Variants in ARAP2 observed in about 807,000 individuals in gnomAD.
ARAP2 encodes the protein ArfGAP with RhoGAP domain, ankyrin repeat and PH domain 2.
ARAP2 carries 148 observed loss-of-function variants against 194.5 expected under a neutral mutation model. The ratio of observed to expected loss-of-function variants is 0.76; its 90% CI spans 0.67 to 0.87. The LOEUF is 0.87. ARAP2 is among the 40% of genes least tolerant of loss of function. The pLI is 0.00. For synonymous variants in ARAP2, 695 were observed against 683.5 expected (o/e 1.02, Z -0.26); for missense variants, 2,128 against 1,989.7 (o/e 1.07, Z -1.32).
At chr4:36,170,895 C>A (rs1183190798) in intron 9 of ARAP2, among the ~76,000 whole-genome samples, 1 of 151,550 alleles carries the variant, frequency 6.6e-6, no homozygotes, top group African/African-American at 2.4e-5. Flanking sequence ...CTTGAGGAAG[C>A]TTTTGGTCTA....
intron 1 of ARAP2, 102 bp from the exon 2 acceptor site, chr4:36,229,747 C>T (rs959638926): frequency 5.1e-5 from 15 of 292,360 alleles, no homozygotes; most frequent in Non-Finnish European, 7.0e-5. Context: ...GACACTAACT[C>T]TCACTCTGCA....
chr4:36,135,552 T>G (rs916958240), intron 19 of ARAP2, among the ~76,000 whole-genome samples: 5 of 151,788 alleles, frequency 3.3e-5, no homozygotes, highest in African/African-American at 9.7e-5. Flanking sequence ...ATTTTCTTTT[T>G]GAAGAATTCT....
At chr4:36,140,500 C>A (rs1578041586) in intron 19 of ARAP2, among the ~76,000 whole-genome samples, 1 of 151,826 alleles carries the variant, frequency 6.6e-6, no homozygotes, top group East Asian at 1.9e-4. Flanking sequence ...AGAATTAAAT[C>A]ATCAGAAAGT....
At chr4:36,054,746 A>G (rs1012680195) in intron 2 of ARAP2, among the ~76,000 whole-genome samples, 4 of 152,236 alleles carry the variant, frequency 2.6e-5, no homozygotes, top group South Asian at 2.1e-4. Flanking sequence ...ATACTACCAA[A>G]TAAGCTTTTA....
intron 28 of ARAP2, among the ~76,000 whole-genome samples, chr4:36,086,591 T>G (rs1286484923): frequency 6.6e-6 from 1 of 152,156 alleles, no homozygotes; most frequent in Non-Finnish European, 1.5e-5. Context: ...CAACTTTCTC[T>G]TTTGGTATGT....
intron 26 of ARAP2, among the ~76,000 whole-genome samples, chr4:36,110,109 G>A (rs1182331296): frequency 6.6e-6 from 1 of 151,764 alleles, no homozygotes; most frequent in Non-Finnish European, 1.5e-5. Flanking sequence ...TTAAGGTGAG[G>A]AACAGAGATG....
intron 28 of ARAP2, among the ~76,000 whole-genome samples, chr4:36,086,853 T>C (rs1712000173): frequency 6.6e-6 from 1 of 152,110 alleles, no homozygotes; most frequent in East Asian, 1.9e-4. Flanking sequence ...CTCTGAAACC[T>C]CTCCCCTTTT....
intron 2 of ARAP2, among the ~76,000 whole-genome samples, chr4:36,223,826 GCTAACACTTTGATTTCAGA>G (rs1168564959): frequency 6.6e-6 from 1 of 152,026 alleles, no homozygotes; most frequent in Non-Finnish European, 1.5e-5. Flanking sequence ...ACCAAAGGAT[GCTAACACTTTGATTTCAGA>G]CTTTTAGTAT....
At chr4:36,024,193 A>C (rs1037022486) in intron 5 of ARAP2, among the ~76,000 whole-genome samples, 79 of 152,176 alleles carry the variant, frequency 5.2e-4, no homozygotes, top group African/African-American at 1.9e-3. Flanking sequence ...TAGGGTGAAT[A>C]GCATGGAAAT....
intron 15 of ARAP2, among the ~76,000 whole-genome samples, chr4:36,158,221 T>C (rs757773496): frequency 3.3e-5 from 5 of 152,136 alleles, no homozygotes; most frequent in African/African-American, 7.2e-5. Flanking sequence ...CTAGAATATA[T>C]TGTTAAATCA....
intron 5 of ARAP2, among the ~76,000 whole-genome samples, chr4:36,035,989 T>C (rs1719854544): frequency 6.6e-6 from 1 of 152,182 alleles, no homozygotes; most frequent in South Asian, 2.1e-4. Context: ...CATTGGTTTG[T>C]TATTTTTTTC....
intron 19 of ARAP2, among the ~76,000 whole-genome samples, chr4:36,145,191 G>GA (rs1174193476): frequency 3.5e-4 from 52 of 148,706 alleles, no homozygotes; most frequent in Admixed American, 1.7e-3. Context: ...CTATCCAAAG[G>GA]AAAAAAAAAT....
intron 26 of ARAP2, among the ~76,000 whole-genome samples, chr4:36,112,324 G>A (rs1022039205): frequency 6.6e-6 from 1 of 151,912 alleles, no homozygotes; most frequent in African/African-American, 2.4e-5. Context: ...AAGTCATACA[G>A]TATACAGTAT....
intron 28 of ARAP2, among the ~76,000 whole-genome samples, chr4:36,090,696 G>C (rs1713373912): frequency 6.6e-6 from 1 of 152,112 alleles, no homozygotes; most frequent in Non-Finnish European, 1.5e-5. Flanking sequence ...ACTTACAAGT[G>C]GGAGCTAAAT....
intron 32 of ARAP2, 87 bp downstream of exon 32, chr4:36,073,602 A>T: frequency 7.0e-7 from 1 of 1,434,480 alleles, no homozygotes; most frequent in Non-Finnish European, 9.5e-7. Context: ...TTTTGAAGCC[A>T]ATGAAGTAAT....
rs1725552306 is a variant in ARAP2 at position 36,066,745 on chromosome 4, C to G, written c.*1162G>C. Reference sequence around the variant, plus strand: ...TCTTTATGTGGAAACAAAAATAGGGCTTTGTCCTTATTCATAAGTACAGGG... The same window carrying G: ...TCTTTATGTGGAAACAAAAATAGGGGTTTGTCCTTATTCATAAGTACAGGG... On this transcript the variant is annotated 3_prime_UTR_variant, in exon 33 of 33. Transcript: ENST00000303965. The G allele has an allele frequency of 6.6e-6, 1 of 151,880 alleles. No homozygotes were observed. The highest frequency in any genetic ancestry group is 2.1e-4 in the South Asian group (1 of 4,808). 9.4% of individuals were successfully genotyped at this position (151,880 alleles called of 1,614,324 possible). A position where few individuals can be genotyped will look rare whatever the true frequency, so the allele number is the denominator to read the frequency against.
intron 5 of ARAP2, 28 bp from the exon 6 acceptor site, chr4:36,210,771 C>T (rs1221668452): frequency 6.8e-7 from 1 of 1,460,664 alleles, no homozygotes; most frequent in Non-Finnish European, 9.3e-7. Context: ...GTAAACATTT[C>T]AAAGTGCTAT....
rs6818895 is a variant in ARAP2 at position 36,212,646 on chromosome 4, T to A, written c.1042-159A>T. On this transcript the variant is annotated intron_variant, in intron 4 of 32. Coordinates refer to ENST00000303965, the MANE Select transcript of ARAP2 (RefSeq NM_015230.4). ...TTAGATCAATTTTCAGAAAAAAAAGTTAGTCTACATTAAACAGACTTTTGA... is the reference window on the plus strand; with the variant it reads ...TTAGATCAATTTTCAGAAAAAAAAGATAGTCTACATTAAACAGACTTTTGA... 0.91 allele frequency among the ~76,000 whole-genome samples: 138,991 copies of A among 151,938 alleles called. 63,621 individuals carry two copies. Among genetic ancestry groups the A allele is most frequent in the East Asian group, 1 (5,185 of 5,188 alleles).
intron 9 of ARAP2, among the ~76,000 whole-genome samples, chr4:36,174,607 CT>C (rs776649650): frequency 6.6e-6 from 1 of 152,116 alleles, no homozygotes; most frequent in East Asian, 1.9e-4. Context: ...ACCTGGGGTG[CT>C]TTTTTGTGAA....
Sources: gnomAD v4.1 joint callset for allele counts (sites outside exome capture counted in the v4.1 genomes callset) on GRCh38, gnomAD v4.1.1 for gene constraint, MANE v1.5 for transcripts, NCBI Gene and HGNC (gene_info 2026-07-23, HGNC 2026-07-21) for gene names.